Variants in LRBA observed in about 807,000 individuals in gnomAD.
LRBA encodes lipopolysaccharide-responsive and beige-like anchor protein.
LRBA carries 176 observed loss-of-function variants against 330.0 expected under a neutral mutation model. The ratio of observed to expected loss-of-function variants is 0.53; its 90% confidence interval spans 0.47 to 0.60. The LOEUF (loss-of-function observed/expected upper bound fraction) is 0.60. Among genes scored for constraint, LRBA ranks in the 20% least tolerant of loss-of-function variants. The pLI is 0.00. For missense variants in LRBA, 3,259 were observed against 3,444.8 expected (o/e 0.95, Z 1.35); for synonymous variants, 1,230 against 1,193.0 (o/e 1.03, Z -0.64).
At chr4:150,380,658 T>C (rs939479547) in intron 47 of LRBA, among the ~76,000 whole-genome samples, 3 of 152,126 alleles carry the variant, frequency 2.0e-5, no homozygotes, top group Admixed American at 2.0e-4. Context: ...TTATTTTCTC[T>C]TGTTTATTTT....
rs932990679 is a variant in LRBA at position 150,350,519 on chromosome 4, G to A, written c.7195-360C>T. 3.4e-5 allele frequency among the ~76,000 whole-genome samples: 5 copies of A among 149,150 alleles called. No homozygotes were observed. In the South Asian group the frequency reaches 6.3e-4, roughly 19 times the overall value. On this transcript the variant is annotated intron_variant, in intron 47 of 56. Coordinates refer to ENST00000651943, the MANE Select transcript of LRBA (RefSeq NM_001364905.1). ...TGGGAGGCAGAGGTTGCAGTGAACCGAGATCACGCCACTTCACTCCAGCCT... is the reference window on the plus strand; with the variant it reads ...TGGGAGGCAGAGGTTGCAGTGAACCAAGATCACGCCACTTCACTCCAGCCT...
At chr4:151,008,090 T>C (rs1299857966) in intron 2 of LRBA, among the ~76,000 whole-genome samples, 3 of 151,908 alleles carry the variant, frequency 2.0e-5, no homozygotes, top group African/African-American at 7.3e-5. Flanking sequence ...TTTTTTTTTT[T>C]TCTTTTTGAG....
intron 2 of LRBA, among the ~76,000 whole-genome samples, chr4:150,932,028 T>C (rs778145704): frequency 6.6e-6 from 1 of 152,106 alleles, no homozygotes; most frequent in African/African-American, 2.4e-5. Context: ...TGAGCTATGA[T>C]CATGCCACTG....
chr4:150,650,694 G>A (rs1779624964), intron 37 of LRBA, among the ~76,000 whole-genome samples: 1 of 151,842 alleles, frequency 6.6e-6, no homozygotes, highest in Non-Finnish European at 1.5e-5. Flanking sequence ...ATGTTAAAAT[G>A]CTATAAAAAA....
chr4:150,928,852 CT>C lies in LRBA; in HGVS notation c.429del (p.Val144LeufsTer4). 1 of 1,613,598 alleles carries C rather than the reference CT, an allele frequency of 6.2e-7. No homozygotes were observed. The highest frequency in any genetic ancestry group is 8.5e-7 in the Non-Finnish European group (1 of 1,179,710). ...ATCATACCTGCTATCATATTGTCAA[CT>C]TTTTCAATTTTCCCAAGCACTTTTT... Reference protein sequence around the residue: ...LVEKVLGKIEKVDNMIADLLV... With the variant: ...LVEKVLGKIEXVDNMIADLLV... On this transcript the variant is annotated frameshift_variant, in exon 3 of 57. Transcript: ENST00000651943. LOFTEE classifies it high-confidence loss of function.
At chr4:150,848,364 A>C (rs2126902406) in intron 26 of LRBA, among the ~76,000 whole-genome samples, 1 of 152,182 alleles carries the variant, frequency 6.6e-6, no homozygotes, top group Admixed American at 6.5e-5. Context: ...AAATTTATGA[A>C]TCACCTTGTG....
At chr4:150,782,185 G>T (rs1001773632) in intron 34 of LRBA, among the ~76,000 whole-genome samples, 1 of 152,184 alleles carries the variant, frequency 6.6e-6, no homozygotes, top group African/African-American at 2.4e-5. Flanking sequence ...GGGATTTCAG[G>T]CGTGAGCCAC....
intron 44 of LRBA, among the ~76,000 whole-genome samples, chr4:150,440,695 A>G (rs770863972): frequency 1.3e-5 from 2 of 152,094 alleles, no homozygotes; most frequent in Non-Finnish European, 2.9e-5. Flanking sequence ...CAGGAGGTTG[A>G]GGATGCAGTG....
Position 150,867,840 on chromosome 4 carries a change from C to A in LRBA, c.2597G>T (p.Trp866Leu). Residue 866 changes from tryptophan to leucine, a missense_variant, in exon 22 of 57, where the codon TGG becomes TTG. By Grantham distance (61) the Trp-to-Leu change is moderately conservative. Transcript: ENST00000651943. The stretch of plus-strand genomic sequence containing the variant: ...GCAGAGAGAAAGCATCCATTCTTGC[C>A]ACACAGAGCATTGTAGCAAGCTCCT... ...NRRSLLQCSV[W>L]QEWMLSLCYF... 6.2e-7 allele frequency: 1 copy of A among 1,612,132 alleles called. No individual in the cohort carries two copies. Among genetic ancestry groups the A allele is most frequent in the South Asian group, 1.1e-5 (1 of 90,770 alleles).
In LRBA at chr4:150,848,716, CAT is replaced by C. The variant is rs1307892060; in HGVS notation, c.4339+100_4339+101del. 10 of 892,866 alleles carry C rather than the reference CAT, an allele frequency of 1.1e-5. No homozygotes were observed. In the Admixed American group the frequency reaches 1.9e-4, roughly 17 times the overall value. The allele number at this position is 892,866 out of a possible 1,614,324, so 55.3% of individuals were successfully genotyped here. The stretch of plus-strand genomic sequence containing the variant: ...AGTAACCATATGACAAATTAGCTAA[CAT>C]ATATTTTCTCACCAACAGAAGACGG... On this transcript the variant is annotated intron_variant, in intron 26 of 56. Transcript: ENST00000651943.
At chr4:150,785,712 C>A (rs1213911114) in intron 34 of LRBA, among the ~76,000 whole-genome samples, 3 of 151,264 alleles carry the variant, frequency 2.0e-5, no homozygotes, top group African/African-American at 2.4e-5. Context: ...TGTACTTGAC[C>A]AGAAAAAAAA....
intron 14 of LRBA, among the ~76,000 whole-genome samples, chr4:150,899,413 A>G (rs985366104): frequency 1.3e-5 from 2 of 152,170 alleles, no homozygotes; most frequent in African/African-American, 4.8e-5. Flanking sequence ...ATCAAGTTGT[A>G]TCTGGAACTG....
chr4:150,867,794 T>C lies in LRBA; in HGVS notation c.2643A>G (p.Ser881=). The C allele has an allele frequency of 6.2e-7, 1 of 1,613,846 alleles. No individual in the cohort carries two copies. The highest frequency in any genetic ancestry group is 8.5e-7 in the Non-Finnish European group (1 of 1,179,800). Residue 881 remains serine (S), a synonymous_variant, in exon 22 of 57, where the codon TCA becomes TCG. Coordinates refer to ENST00000651943, the MANE Select transcript of LRBA (RefSeq NM_001364905.1). ...LSLCYFNPKN[S]DEQKITEMVY... ...CCATTTCTGTTATCTTTTGCTCATCTGAATTCTTAGGATTAAAATAGCAGA... is the reference window on the plus strand; with the variant it reads ...CCATTTCTGTTATCTTTTGCTCATCCGAATTCTTAGGATTAAAATAGCAGA...
chr4:150,748,307 C>T (rs975370679), intron 35 of LRBA, among the ~76,000 whole-genome samples: 1 of 152,170 alleles, frequency 6.6e-6, no homozygotes, highest in Non-Finnish European at 1.5e-5. Flanking sequence ...GTATACCAAT[C>T]CTATCACAAT....
intron 56 of LRBA, among the ~76,000 whole-genome samples, chr4:150,270,829 A>G (rs977171925): frequency 1.3e-5 from 2 of 152,230 alleles, no homozygotes; most frequent in Non-Finnish European, 2.9e-5. Context: ...ATGCAGAGAT[A>G]TGCAGAGATA....
At chr4:150,932,223 T>C (rs1448134326) in intron 2 of LRBA, among the ~76,000 whole-genome samples, 1 of 151,668 alleles carries the variant, frequency 6.6e-6, no homozygotes, top group Non-Finnish European at 1.5e-5. Context: ...AATCAGAAAC[T>C]CTATATGCAA....
At chr4:150,727,406 C>T (rs1033532513) in intron 36 of LRBA, among the ~76,000 whole-genome samples, 1 of 152,066 alleles carries the variant, frequency 6.6e-6, no homozygotes, top group South Asian at 2.1e-4. Flanking sequence ...CCAGTAGCTA[C>T]AGAATACACA....
intron 40 of LRBA, among the ~76,000 whole-genome samples, chr4:150,553,975 G>A (rs902389258): frequency 2.6e-5 from 4 of 152,160 alleles, no homozygotes; most frequent in Non-Finnish European, 2.9e-5. Flanking sequence ...CTGGTCAAGG[G>A]TTCATTTAAG....
In LRBA at chr4:150,639,525, G is replaced by T. The variant is rs1778305957; in HGVS notation, c.5922-40394C>A. Among the ~76,000 whole-genome samples, 3 of 142,578 alleles carry T rather than the reference G, an allele frequency of 2.1e-5. No homozygotes were observed. In the South Asian group the frequency reaches 6.7e-4, roughly 32 times the overall value. 93.5% of individuals were successfully genotyped at this position (142,578 alleles called of 152,430 possible). A position where few individuals can be genotyped will look rare whatever the true frequency, so the allele number is the denominator to read the frequency against. The stretch of plus-strand genomic sequence containing the variant: ...TCCCTAGAGTGAATAATAGAAATCT[G>T]CAAGGAAAGTTTTGGTTGTCACAAA... On this transcript the variant is annotated intron_variant, in intron 37 of 56. Coordinates refer to ENST00000651943, the MANE Select transcript of LRBA (RefSeq NM_001364905.1).
Sources: allele counts gnomAD v4.1 joint callset (sites outside exome capture counted in the v4.1 genomes callset), GRCh38; gene constraint gnomAD v4.1.1; transcripts MANE v1.5; gene names NCBI Gene and HGNC (gene_info 2026-07-23, HGNC 2026-07-21).